The following DUSP15 variants were observed in gnomAD, a reference collection of about 807,000 sequenced individuals.
DUSP15 encodes the protein dual specificity protein phosphatase 15.
In DUSP15, 23 loss-of-function variants were observed where a neutral mutation model predicts 26.3. The ratio of observed to expected loss-of-function variants is 0.87; its 90% CI spans 0.63 to 1.24. The LOEUF is 1.24. Among genes scored for constraint, DUSP15 ranks in the 50% most tolerant of loss-of-function variants. The pLI is 0.00. For synonymous variants in DUSP15, 143 were observed against 135.5 expected, an observed-to-expected ratio of 1.06 and a Z score of -0.39; for missense variants, 364 against 320.6, an observed-to-expected ratio of 1.14 and a Z score of -1.03.
chr20:31,865,413 T>C (rs569271312), intron 3 of DUSP15, among the ~76,000 whole-genome samples: 1 of 152,340 alleles, frequency 6.6e-6, no homozygotes, highest in African/African-American at 2.4e-5. Flanking sequence ...CAAGTATACA[T>C]TTCAGGAATC....
At chr20:31,863,879 C>T (rs1180969197) in intron 5 of DUSP15, 28 bp downstream of exon 5, 3 of 1,608,578 alleles carry the variant, frequency 1.9e-6, no homozygotes, top group East Asian at 4.5e-5. Context: ...CCTTCCTCCC[C>T]CACCTTATCC....
In DUSP15 at chr20:31,861,576, A is replaced by C. The variant is rs768692357; in HGVS notation, c.535T>G (p.Ser179Ala). ...LPLCKRCRQG[S>A]ATSASSAGPH... ...CCGGCGGAGGAGGCCGAGGTCGCGG[A>C]GCCCTGCCGGCAGCGCTTGCACAGC... Residue 179 changes from serine (S) to alanine (A), a missense_variant, in exon 7 of 7, where the codon TCC becomes GCC. Ser to Ala is a moderately conservative substitution (Grantham distance 99). Transcript: ENST00000339738. 6.7e-7 allele frequency: 1 copy of C among 1,497,896 alleles called. No homozygotes were observed. Among genetic ancestry groups the C allele is most frequent in the Non-Finnish European group, 8.8e-7 (1 of 1,131,882 alleles). 92.8% of individuals were successfully genotyped at this position (1,497,896 alleles called of 1,614,324 possible).
At chr20:31,866,368 T>A (rs2062765047) in intron 3 of DUSP15, among the ~76,000 whole-genome samples, 1 of 152,220 alleles carries the variant, frequency 6.6e-6, no homozygotes, top group East Asian at 1.9e-4. Context: ...CTCAGTGAAG[T>A]GGGTACTGTT....
At position 31,855,305 on chromosome 20, in the gene DUSP15, G is replaced by T. The variant is rs576524513; in HGVS notation, c.427-4629C>A. 2.0e-5 allele frequency among the ~76,000 whole-genome samples: 3 copies of T among 152,228 alleles called. No individual in the cohort carries two copies. In the East Asian group the frequency reaches 5.8e-4, roughly 29 times the overall value. On this transcript the variant is annotated intron_variant, in intron 6 of 9. Transcript: ENST00000278979. ...CAACTTACCTTTTTTGCCATTCTGC[G>T]CACATCCATGAATGGCCATGAAACT... is the stretch of plus-strand genomic sequence containing the variant.
chr20:31,846,189 GAC>G (rs2062375421), downstream of DUSP15, among the ~76,000 whole-genome samples: 1 of 146,068 alleles, frequency 6.8e-6, no homozygotes, highest in Non-Finnish European at 1.5e-5. Context: ...TATACACAGA[GAC>G]AGACACACAC....
chr20:31,855,682 C>T (rs2062549176), intron 6 of DUSP15, among the ~76,000 whole-genome samples: 1 of 152,180 alleles, frequency 6.6e-6, no homozygotes. Context: ...TCTTAAGGGA[C>T]AGGCCATGCA....
downstream of DUSP15, among the ~76,000 whole-genome samples, chr20:31,860,516 C>T (rs908774888): frequency 6.6e-6 from 1 of 152,204 alleles, no homozygotes; most frequent in African/African-American, 2.4e-5. Context: ...CAGGAACCTC[C>T]CAAACCAGAG....
At chr20:31,859,655 C>G (rs1401631428), downstream of DUSP15, among the ~76,000 whole-genome samples, 1 of 152,130 alleles carries the variant, frequency 6.6e-6, no homozygotes, top group Non-Finnish European at 1.5e-5. Flanking sequence ...GCCATGGAGG[C>G]TTTTTTTATT....
intron 2 of DUSP15, among the ~76,000 whole-genome samples, chr20:31,867,794 G>T (rs940178690): frequency 7.9e-5 from 12 of 151,914 alleles, no homozygotes; most frequent in Admixed American, 5.9e-4. Context: ...ACAGGCTCCC[G>T]CCACCACACC....
At position 31,862,714 on chromosome 20, in the gene DUSP15, T is replaced by A. The variant is rs759962250; in HGVS notation, c.292A>T (p.Ile98Phe). 4 of 1,611,850 alleles carry A rather than the reference T, an allele frequency of 2.5e-6. No homozygotes were observed. Among genetic ancestry groups the A allele is most frequent in the South Asian group, 2.2e-5 (2 of 90,972 alleles). ...CFAGISRSTT[I>F]VTAYVMTVTG... ...ACAGTCATCACATACGCTGTCACAA[T>A]CGTGGTGCTGCGAGAGATGCCTGCA... Residue 98 changes from isoleucine to phenylalanine, a missense_variant, in exon 6 of 7, where the codon ATT (isoleucine) becomes TTT (phenylalanine). Transcript: ENST00000339738.
At chr20:31,865,145 T>G in intron 3 of DUSP15, 143 bp from the exon 4 acceptor site, 1 of 872,036 alleles carries the variant, frequency 1.1e-6, no homozygotes, top group Non-Finnish European at 1.9e-6. Flanking sequence ...CCAAAGAAAG[T>G]AGTTGTCATC....
In DUSP15 at chr20:31,862,636, T is replaced by C. The variant is rs1251688053; in HGVS notation, c.370A>G (p.Ile124Val). ...CTAAAGCCTGGGTTGGGGTTGGCGA[T>C]GGGCCTGGTGGCCTTGATGGCTTCA... is the stretch of plus-strand genomic sequence containing the variant. ...VLEAIKATRP[I>V]ANPNPGFRQQ... is the part of the protein sequence containing the mutation. The change falls in exon 6 of 7, where the codon ATC becomes GTC. Residue 124 changes from isoleucine to valine, a missense_variant. Ile to Val is a conservative substitution (Grantham distance 29, BLOSUM62 3). Transcript: ENST00000339738. 2 of 1,614,144 alleles carry C rather than the reference T, an allele frequency of 1.2e-6. No individual in the cohort carries two copies. Among genetic ancestry groups the C allele is most frequent in the Admixed American group, 1.7e-5 (1 of 60,022 alleles).
At chr20:31,856,944 A>G (rs2062571213), downstream of DUSP15, among the ~76,000 whole-genome samples, 1 of 152,032 alleles carries the variant, frequency 6.6e-6, no homozygotes, top group South Asian at 2.1e-4. Context: ...AGGAGGAGGG[A>G]GGGCCTACAA....
intron 6 of DUSP15, among the ~76,000 whole-genome samples, chr20:31,851,966 T>A (rs2062476931): frequency 6.6e-6 from 1 of 151,470 alleles, no homozygotes; most frequent in South Asian, 2.1e-4. Flanking sequence ...TCAGGCAAGG[T>A]CCACCTGTTT....
chr20:31,864,146 G>A, intron 4 of DUSP15, 165 bp from the exon 5 acceptor site: 1 of 1,413,676 alleles, frequency 7.1e-7, no homozygotes, highest in Non-Finnish European at 9.3e-7. Context: ...TGAGCTGGAG[G>A]TGTGTTTGTG....
intron 3 of DUSP15, 141 bp downstream of exon 3, chr20:31,866,930 G>A: frequency 1.3e-6 from 1 of 799,094 alleles, no homozygotes. Flanking sequence ...GGATGATAAT[G>A]TAAAATGGCC....
downstream of DUSP15, among the ~76,000 whole-genome samples, chr20:31,846,273 AAC>A (rs754263488): frequency 8.7e-5 from 10 of 114,546 alleles, no homozygotes; most frequent in African/African-American, 3.3e-4. Flanking sequence ...CACACACAGA[AAC>A]ACAGAGACAC....
downstream of DUSP15, among the ~76,000 whole-genome samples, chr20:31,856,749 G>C (rs181960322): frequency 6.6e-6 from 1 of 152,202 alleles, no homozygotes. Context: ...GGGGTTCAGA[G>C]GAAGACCCAC....
chr20:31,845,666 G>C, downstream of DUSP15: 5 of 1,196,838 alleles, frequency 4.2e-6, no homozygotes, highest in Non-Finnish European at 5.7e-6. Flanking sequence ...GCCTGGAAAG[G>C]CAAAAAGGGG....
Sources: allele counts gnomAD v4.1 joint callset (sites outside exome capture counted in the v4.1 genomes callset), GRCh38; gene constraint gnomAD v4.1.1; transcripts MANE v1.5; gene names NCBI Gene and HGNC (gene_info 2026-07-23, HGNC 2026-07-21).